The following ITPK1 variants were observed in gnomAD, a reference collection of about 807,000 sequenced individuals.
The protein encoded by ITPK1 is inositol 1,3,4-trisphosphate 5/6-kinase.
Under a neutral mutation model 45.3 loss-of-function variants are expected in ITPK1, and 21 were observed. The observed-to-expected ratio is 0.46, with a 90% CI of 0.33 to 0.67. The LOEUF is 0.67. ITPK1 is among the 30% of genes least tolerant of loss of function. The probability of loss-of-function intolerance (pLI) is 0.02; values close to 1 mark genes in which losing one functional copy is unlikely to be tolerated. For synonymous variants in ITPK1, 258 were observed against 253.6 expected, an observed-to-expected ratio of 1.02 and a Z score of -0.16; for missense variants, 474 against 573.5, an observed-to-expected ratio of 0.83 and a Z score of 1.77.
At chr14:93,094,588 G>A (rs1943994394) in intron 2 of ITPK1, among the ~76,000 whole-genome samples, 1 of 152,114 alleles carries the variant, frequency 6.6e-6, no homozygotes, top group South Asian at 2.1e-4. Context: ...CTCCCTGGCG[G>A]AAGCTTAGGG....
At chr14:93,009,225 A>G (rs1194613303) in intron 4 of ITPK1, among the ~76,000 whole-genome samples, 1 of 152,228 alleles carries the variant, frequency 6.6e-6, no homozygotes, top group Non-Finnish European at 1.5e-5. Context: ...CCCAGAAATA[A>G]TGTGCATAAA....
chr14:92,941,620 A>G lies in ITPK1; in HGVS notation c.1186T>C (p.Ser396Pro). Residue 396 changes from serine to proline, a missense_variant, in exon 11 of 11, where the codon TCG (serine) becomes CCG (proline). By Grantham distance (74) the Ser-to-Pro change is moderately conservative (BLOSUM62 -1). This residue lies in a region of ITPK1 where 107 missense variants were observed against 92.9 expected (regional missense o/e 1.15). Transcript: ENST00000267615. ...HQRLGCNAGV[S>P]PSFQQHCVAS... ...ACACAATGCTGCTGGAAGCTGGGCG[A>G]CACGCCGGCGTTGCAGCCGAGTCTC... 1 of 1,538,126 alleles carries G rather than the reference A, an allele frequency of 6.5e-7. No individual in the cohort carries two copies. The highest frequency in any genetic ancestry group is 8.7e-7 in the Non-Finnish European group (1 of 1,144,586).
intron 2 of ITPK1, among the ~76,000 whole-genome samples, chr14:93,080,169 A>G (rs1891381459): frequency 6.6e-6 from 1 of 152,210 alleles, no homozygotes; most frequent in Non-Finnish European, 1.5e-5. Flanking sequence ...GTAGATAATT[A>G]TCTGTGTTAA....
chr14:92,994,861 T>A (rs999591607), intron 4 of ITPK1, among the ~76,000 whole-genome samples: 14 of 152,154 alleles, frequency 9.2e-5, no homozygotes, highest in African/African-American at 2.9e-4. Flanking sequence ...GTGGCCTTAT[T>A]TATAAGGAAA....
At chr14:93,061,946 G>A (rs1890542328) in intron 3 of ITPK1, among the ~76,000 whole-genome samples, 2 of 152,188 alleles carry the variant, frequency 1.3e-5, no homozygotes. Flanking sequence ...AAGTGTGTTT[G>A]TGGGAACAGA....
intron 3 of ITPK1, among the ~76,000 whole-genome samples, chr14:93,045,028 A>G (rs1439352889): frequency 1.3e-5 from 2 of 152,194 alleles, no homozygotes; most frequent in Non-Finnish European, 2.9e-5. Context: ...TGTAAGATCT[A>G]CCTTAAAGAA....
Position 93,046,416 on chromosome 14 carries a change from T to C in ITPK1, c.121-29615A>G, listed in dbSNP as rs1889773276. Among the ~76,000 whole-genome samples, 3 of 152,274 alleles carry C rather than the reference T, an allele frequency of 2.0e-5. No homozygotes were observed. The South Asian group carries it at 6.2e-4, about 32-fold the overall frequency. On this transcript the variant is annotated intron_variant, in intron 3 of 10. Transcript: ENST00000267615. ...AAGCTTCCTTTCCCACATGGCCCCA[T>C]GTGCTCCAGATAAAGGCAACTATGA...
At position 93,035,204 on chromosome 14, in the gene ITPK1, GCACTCGCTGT is replaced by G. The variant is rs546758012; in HGVS notation, c.121-18413_121-18404del. ...CATTCATTCAACAAATAGAGACCAG[GCACTCGCTGT>G]GGACTTCATGCTGCACCAGGGCAGC... On this transcript the variant is annotated intron_variant, in intron 3 of 10. Coordinates refer to ENST00000267615, the MANE Select transcript of ITPK1 (RefSeq NM_014216.6). Among the ~76,000 whole-genome samples, 3 of 152,352 alleles carry G rather than the reference GCACTCGCTGT, an allele frequency of 2.0e-5. No individual in the cohort carries two copies. The South Asian group carries it at 6.2e-4, about 32-fold the overall frequency.
chr14:93,092,327 C>T (rs1377446199), intron 2 of ITPK1, among the ~76,000 whole-genome samples: 1 of 152,204 alleles, frequency 6.6e-6, no homozygotes, highest in Non-Finnish European at 1.5e-5. Flanking sequence ...GGCCTCCTGA[C>T]CCCCAGACCT....
chr14:93,085,769 G>A (rs1389033963), intron 2 of ITPK1, among the ~76,000 whole-genome samples: 6 of 152,218 alleles, frequency 3.9e-5, no homozygotes, highest in African/African-American at 1.4e-4. Context: ...TCCCTTAATG[G>A]CTCTCGACAT....
intron 2 of ITPK1, among the ~76,000 whole-genome samples, chr14:93,108,785 G>A (rs1247393270): frequency 6.6e-6 from 1 of 152,202 alleles, no homozygotes; most frequent in African/African-American, 2.4e-5. Flanking sequence ...GGCCGAGGTG[G>A]GCAGATCAAT....
chr14:93,061,915 G>C (rs114361959), intron 3 of ITPK1, among the ~76,000 whole-genome samples: 1 of 152,176 alleles, frequency 6.6e-6, no homozygotes, highest in Non-Finnish European at 1.5e-5. Context: ...TTAACAAAGG[G>C]GGAAGCTCTA....
intron 2 of ITPK1, among the ~76,000 whole-genome samples, chr14:93,100,406 A>G (rs895021546): frequency 6.6e-6 from 1 of 152,134 alleles, no homozygotes; most frequent in African/African-American, 2.4e-5. Flanking sequence ...CACACACCTA[A>G]GGAACGCCAC....
intron 3 of ITPK1, among the ~76,000 whole-genome samples, chr14:93,044,336 G>A (rs574893835): frequency 1.5e-5 from 2 of 131,456 alleles, no homozygotes; most frequent in South Asian, 2.4e-4. Flanking sequence ...CGTGTAATCT[G>A]GTCCAACCCC....
At chr14:93,082,747 C>T (rs1891488520) in intron 2 of ITPK1, among the ~76,000 whole-genome samples, 1 of 152,220 alleles carries the variant, frequency 6.6e-6, no homozygotes, top group African/African-American at 2.4e-5. Flanking sequence ...TGGTCCTTTA[C>T]CGGACGGGTC....
At chr14:92,976,042 G>T (rs138476649) in intron 5 of ITPK1, among the ~76,000 whole-genome samples, 2 of 152,154 alleles carry the variant, frequency 1.3e-5, no homozygotes, top group African/African-American at 4.8e-5. Context: ...CTTCCACCAT[G>T]ATTGTAAGTT....
rs1231160075 is a variant in ITPK1 at position 92,941,002 on chromosome 14, G to A, written c.*559C>T. On this transcript the variant is annotated 3_prime_UTR_variant, in exon 11 of 11. Coordinates refer to ENST00000267615, the MANE Select transcript of ITPK1 (RefSeq NM_014216.6). ...GGGGTCTGTGGCCTCCTCTGGCTGT[G>A]GGGAGGGAGGGGTTAGCTGCACACC... 1.2e-5 allele frequency: 15 copies of A among 1,266,704 alleles called. No homozygotes were observed. Among genetic ancestry groups the A allele is most frequent in the Non-Finnish European group, 1.5e-5 (15 of 976,886 alleles). 78.5% of individuals were successfully genotyped at this position (1,266,704 alleles called of 1,614,324 possible).
rs1423593211 is a variant in ITPK1, at chr14:92,958,774, G to A, written c.505-408C>T. On this transcript the variant is annotated intron_variant, in intron 7 of 10. Coordinates refer to ENST00000267615, the MANE Select transcript of ITPK1 (RefSeq NM_014216.6). This position sits in a 1 kb window ranked among gnomAD's most constrained non-coding sequence, Gnocchi z 4.4. ...GAGGAAGGAAGCAGATGACTCGGGCGCAGGAGTCAGGAGGCCTTGGGTCAA... is the reference window on the plus strand; with the variant it reads ...GAGGAAGGAAGCAGATGACTCGGGCACAGGAGTCAGGAGGCCTTGGGTCAA... Among the ~76,000 whole-genome samples, 4 of 152,188 alleles carry A rather than the reference G, an allele frequency of 2.6e-5. No homozygotes were observed. In the South Asian group the frequency reaches 8.3e-4, roughly 32 times the overall value.
At chr14:93,087,335 A>G (rs1291338401) in intron 2 of ITPK1, among the ~76,000 whole-genome samples, 2 of 152,142 alleles carry the variant, frequency 1.3e-5, no homozygotes, top group African/African-American at 2.4e-5. Flanking sequence ...AACATTTTCT[A>G]TTTCAAGATG....
Sources: gnomAD v4.1 joint callset for allele counts (sites outside exome capture counted in the v4.1 genomes callset) on GRCh38, gnomAD v4.1.1 for gene constraint, gnomAD v4.1.1 regional missense constraint, Gnocchi (gnomAD v3.1) non-coding constraint, MANE v1.5 for transcripts, NCBI Gene and HGNC (gene_info 2026-07-23, HGNC 2026-07-21) for gene names.